The following CXorf58 variants were observed in gnomAD, a reference collection of about 807,000 sequenced individuals.
The protein encoded by CXorf58 is uncharacterized protein CXorf58.
Under a neutral mutation model 26.0 loss-of-function variants are expected in CXorf58, and 24 were observed. The ratio of observed to expected loss-of-function variants is 0.92; its 90% CI spans 0.67 to 1.30. CXorf58 has a LOEUF of 1.30. Among genes scored for constraint, CXorf58 ranks in the 50% most tolerant of loss-of-function variants. The pLI, the probability that CXorf58 is intolerant of heterozygous loss-of-function variation, is 0.00. For missense variants in CXorf58, 236 were observed against 263.9 expected, an observed-to-expected ratio of 0.89 and a Z score of 0.73; for synonymous variants, 87 against 86.1, an observed-to-expected ratio of 1.01 and a Z score of -0.06.
chrX:23,915,611 T>C, intron 3 of CXorf58, 89 bp from the exon 4 acceptor site: 1 of 510,104 alleles, frequency 2.0e-6, no homozygotes, highest in Non-Finnish European at 3.3e-6. Flanking sequence ...AGCATAATGT[T>C]CACTTTACCA....
intron 3 of CXorf58, among the ~76,000 whole-genome samples, chrX:23,912,869 G>A (rs1313987931): frequency 8.9e-6 from 1 of 111,965 alleles, no homozygotes; most frequent in African/African-American, 3.2e-5. Flanking sequence ...GGAGTAAACT[G>A]TATAATATCT....
chrX:23,910,698 G>T (rs1476755263), intron 2 of CXorf58, among the ~76,000 whole-genome samples: 1 of 109,033 alleles, frequency 9.2e-6, no homozygotes, highest in African/African-American at 3.3e-5. Flanking sequence ...AAAGTTATCA[G>T]CTAATAAATG....
intron 7 of CXorf58, among the ~76,000 whole-genome samples, chrX:23,937,267 C>T (rs539977277): frequency 9.0e-6 from 1 of 111,314 alleles, no homozygotes; most frequent in East Asian, 2.8e-4. Context: ...GAACATGCAA[C>T]TCAGAATTAT....
chrX:23,911,345 G>A (rs1048354493), intron 2 of CXorf58, among the ~76,000 whole-genome samples: 1 of 111,626 alleles, frequency 9.0e-6, no homozygotes, highest in African/African-American at 3.3e-5. Context: ...TGGGCCTCCT[G>A]TAACTTTGAC....
intron 8 of CXorf58, 142 bp downstream of exon 8, chrX:23,938,842 A>T: frequency 2.3e-6 from 1 of 429,941 alleles, no homozygotes; most frequent in Non-Finnish European, 3.9e-6. Flanking sequence ...AGGTAGTATA[A>T]AGTGAATTTC....
At chrX:23,933,940 A>T (rs1835732728) in intron 6 of CXorf58, among the ~76,000 whole-genome samples, 1 of 108,549 alleles carries the variant, frequency 9.2e-6, no homozygotes. Context: ...CCAGCTACTC[A>T]GGAGGATCAC....
intron 3 of CXorf58, among the ~76,000 whole-genome samples, chrX:23,913,553 A>G (rs1480615533): frequency 1.8e-5 from 2 of 111,609 alleles, no homozygotes; most frequent in Non-Finnish European, 3.8e-5. Flanking sequence ...TGAGCAATGT[A>G]TACACCGTTC....
In CXorf58 at chrX:23,914,294, C is replaced by T. The variant is rs760260846; in HGVS notation, c.217-1406C>T. Among the ~76,000 whole-genome samples the T allele has an allele frequency of 3.6e-5, 4 of 110,646 alleles. No homozygotes were observed. In the East Asian group the frequency reaches 1.2e-3, roughly 32 times the overall value. On this transcript the variant is annotated intron_variant, in intron 3 of 8. Transcript: ENST00000379211. ...AGAGATGGGGTTTCACCATGTTGAC[C>T]AGGTTGGTCTCGAACTCTTGACCTC...
chrX:23,917,862 A>G (rs749011765), intron 5 of CXorf58, among the ~76,000 whole-genome samples: 1 of 108,924 alleles, frequency 9.2e-6, no homozygotes, highest in East Asian at 2.9e-4. Flanking sequence ...TTTTTTTGAG[A>G]CGGAGTCTCG....
intron 5 of CXorf58, among the ~76,000 whole-genome samples, chrX:23,924,301 A>ATTTT (rs1465906853): frequency 3.3e-5 from 3 of 91,772 alleles, no homozygotes; most frequent in African/African-American, 1.5e-4. Flanking sequence ...TACTATCTTT[A>ATTTT]TTTTATTTAT....
intron 3 of CXorf58, among the ~76,000 whole-genome samples, chrX:23,914,373 G>A (rs1404100032): frequency 5.4e-5 from 6 of 111,529 alleles, no homozygotes; most frequent in East Asian, 2.9e-4. Context: ...GGCGTGAGCC[G>A]CAGTGCCCAG....
chrX:23,914,688 C>G (rs977602502), intron 3 of CXorf58, among the ~76,000 whole-genome samples: 5 of 105,600 alleles, frequency 4.7e-5, no homozygotes, highest in Non-Finnish European at 5.8e-5. Flanking sequence ...GAGCTCGAGA[C>G]CAGCCTGACC....
intron 7 of CXorf58, among the ~76,000 whole-genome samples, chrX:23,938,320 A>G (rs1928345768): frequency 8.9e-6 from 1 of 111,827 alleles, no homozygotes. Flanking sequence ...CTTTGCTGTC[A>G]ATATCATCAC....
intron 3 of CXorf58, among the ~76,000 whole-genome samples, chrX:23,913,703 G>C (rs1032185954): frequency 9.1e-6 from 1 of 109,677 alleles, no homozygotes. Context: ...TCAGGAGTTC[G>C]AGACCAGTCC....
chrX:23,916,616 G>A (rs765407363), intron 5 of CXorf58: 11 of 169,302 alleles, frequency 6.5e-5, no homozygotes, highest in East Asian at 3.7e-4. Flanking sequence ...TAGGCCAGGC[G>A]CAGTGACTCA....
rs747803319 is a variant in CXorf58, at chrX:23,926,756, C to T, written c.424-483C>T. Among the ~76,000 whole-genome samples, 117 of 112,610 alleles carry T rather than the reference C, an allele frequency of 1.0e-3. 1 individual carries two copies. The highest frequency in any genetic ancestry group is 4.7e-3 in the Middle Eastern group (1 of 215). On this transcript the variant is annotated intron_variant, in intron 5 of 8. Coordinates refer to ENST00000379211, the MANE Select transcript of CXorf58 (RefSeq NM_152761.3). The stretch of plus-strand genomic sequence containing the variant: ...ATGTAGATGGCCTGGCGCGGTGGCT[C>T]ACGCCTATAATCCCGCACTTTGGGA...
intron 5 of CXorf58, among the ~76,000 whole-genome samples, chrX:23,917,210 C>T (rs1385000363): frequency 1.9e-5 from 2 of 104,923 alleles, no homozygotes; most frequent in Non-Finnish European, 3.9e-5. Flanking sequence ...TGGTGCATGC[C>T]TGTAATCCCA....
intron 6 of CXorf58, 75 bp downstream of exon 6, chrX:23,927,445 C>A: frequency 1.7e-6 from 1 of 584,772 alleles, no homozygotes; most frequent in South Asian, 6.8e-5. Context: ...AAGATAGAAT[C>A]ATACTTTTTT....
At chrX:23,938,305 A>G (rs1355403400) in intron 7 of CXorf58, among the ~76,000 whole-genome samples, 1 of 111,807 alleles carries the variant, frequency 8.9e-6, no homozygotes, top group African/African-American at 3.2e-5. Context: ...TATAATTTTT[A>G]TCATCTTTGC....
Sources: allele counts gnomAD v4.1 joint callset (sites outside exome capture counted in the v4.1 genomes callset), GRCh38; gene constraint gnomAD v4.1.1; transcripts MANE v1.5; gene names NCBI Gene and HGNC (gene_info 2026-07-23, HGNC 2026-07-21).